The following KIRREL3 variants were observed in gnomAD, a reference collection of about 807,000 sequenced individuals.
KIRREL3 encodes the protein kin of IRRE-like protein 3.
KIRREL3 carries 36 observed loss-of-function variants against 89.7 expected under a neutral mutation model. The observed-to-expected ratio is 0.40, with a 90% CI of 0.31 to 0.53. The LOEUF is 0.53. KIRREL3 is among the 20% of genes least tolerant of loss of function. KIRREL3 has a pLI of 0.49. For missense variants in KIRREL3, 864 were observed against 1,056.6 expected (o/e 0.82, Z 2.53); for synonymous variants, 445 against 441.4 (o/e 1.01, Z -0.10).
At position 126,966,186 on chromosome 11, in the gene KIRREL3, T is replaced by G. The variant is rs75551009; in HGVS notation, c.55+34269A>C. ...CCCAGATAAGTAAGTGATACCAATATGATCTGATACTGTTACAAACGGTAA... is the reference window on the plus strand; with the variant it reads ...CCCAGATAAGTAAGTGATACCAATAGGATCTGATACTGTTACAAACGGTAA... On this transcript the variant is annotated intron_variant, in intron 1 of 16. Coordinates refer to ENST00000525144, the MANE Select transcript of KIRREL3 (RefSeq NM_032531.4). Among the ~76,000 whole-genome samples the G allele has an allele frequency of 5.6e-4, 86 of 152,286 alleles. 1 individual carries two copies. The East Asian group carries it at 0.017, about 29-fold the overall frequency.
rs951402070 is a variant in KIRREL3, at chr11:126,694,609, A to G, written c.56-131697T>C. 4.3e-4 allele frequency among the ~76,000 whole-genome samples: 66 copies of G among 152,268 alleles called. No homozygotes were observed. The highest frequency in any genetic ancestry group is 1.4e-3 in the African/African-American group (60 of 41,556). On this transcript the variant is annotated intron_variant, in intron 1 of 16. Transcript: ENST00000525144. The surrounding 1 kb of genome is among the most constrained non-coding windows in gnomAD (Gnocchi z 4.4). ...GGAATCTGCTCTTGTGGATGAATGA[A>G]TGGCGGTGACAAATCAAACTTTAAT...
rs1004583375 is a variant in KIRREL3 at position 126,471,812 on chromosome 11, G to A, written c.591+1497C>T. 1.3e-5 allele frequency among the ~76,000 whole-genome samples: 2 copies of A among 152,166 alleles called. No individual in the cohort carries two copies. Among genetic ancestry groups the A allele is most frequent in the African/African-American group, 4.8e-5 (2 of 41,426 alleles). On this transcript the variant is annotated intron_variant, in intron 5 of 16. Coordinates refer to ENST00000525144, the MANE Select transcript of KIRREL3 (RefSeq NM_032531.4). The surrounding 1 kb of genome is among the most constrained non-coding windows in gnomAD (Gnocchi z 5.4). ...CCTGGTCCTTCCCTGGGTCTGCAAG[G>A]CCCCAGATGTCAAAGCATCATAAAA...
chr11:126,927,319 CAATG>C (rs749904281), intron 1 of KIRREL3, among the ~76,000 whole-genome samples: 7 of 152,200 alleles, frequency 4.6e-5, no homozygotes, highest in Non-Finnish European at 8.8e-5. Flanking sequence ...AGTGGTTACT[CAATG>C]AATATTTGTT....
rs1389247668 is a variant in KIRREL3, at chr11:126,490,377, T to C, written c.434-16911A>G. Among the ~76,000 whole-genome samples the C allele has an allele frequency of 6.6e-6, 1 of 152,032 alleles. No homozygotes were observed. Among genetic ancestry groups the C allele is most frequent in the Non-Finnish European group, 1.5e-5 (1 of 68,010 alleles). ...CATGAAGTATTCTTCAGCCTGGCCC[T>C]GTCCGTGAGCCAGGTTATTGGAAAT... On this transcript the variant is annotated intron_variant, in intron 4 of 16. Transcript: ENST00000525144. This position sits in a 1 kb window ranked among gnomAD's most constrained non-coding sequence, Gnocchi z 4.2.
rs1172256840 is a variant in KIRREL3 at position 126,612,454 on chromosome 11, T to C, written c.56-49542A>G. ...TCACCTGGCTCTGCTACTAACTGTC[T>C]CATGAACTTGGAAGCTTTAGGGGTT... On this transcript the variant is annotated intron_variant, in intron 1 of 16. Coordinates refer to ENST00000525144, the MANE Select transcript of KIRREL3 (RefSeq NM_032531.4). The surrounding 1 kb of genome is among the most constrained non-coding windows in gnomAD (Gnocchi z 4.5). Among the ~76,000 whole-genome samples, 1 of 152,218 alleles carries C rather than the reference T, an allele frequency of 6.6e-6. No individual in the cohort carries two copies. The highest frequency in any genetic ancestry group is 1.9e-4 in the East Asian group (1 of 5,206).
rs1391550537 is a variant in KIRREL3 at position 126,811,430 on chromosome 11, C to T, written c.55+189025G>A. On this transcript the variant is annotated intron_variant, in intron 1 of 16. Coordinates refer to ENST00000525144, the MANE Select transcript of KIRREL3 (RefSeq NM_032531.4). The surrounding 1 kb of genome is among the most constrained non-coding windows in gnomAD (Gnocchi z 4.3). ...TGGTTAATTGCTGCATCCCTAGAAC[C>T]CTGAAAAGTGTCTAGCACATAGAGT... Among the ~76,000 whole-genome samples, 1 of 152,120 alleles carries T rather than the reference C, an allele frequency of 6.6e-6. No homozygotes were observed. The highest frequency in any genetic ancestry group is 1.5e-5 in the Non-Finnish European group (1 of 68,018).
At chr11:126,698,351 C>A (rs186644585) in intron 1 of KIRREL3, among the ~76,000 whole-genome samples, 34 of 152,304 alleles carry the variant, frequency 2.2e-4, no homozygotes, top group African/African-American at 7.5e-4. Context: ...CTCTCCCAGG[C>A]CTGCTAAGAC....
At chr11:126,472,971 CA>C (rs1956944604) in intron 5 of KIRREL3, among the ~76,000 whole-genome samples, 2 of 114,354 alleles carry the variant, frequency 1.7e-5, no homozygotes, top group Admixed American at 9.0e-5. Context: ...AGCAGCCCCC[CA>C]CCATCCTCCT....
chr11:126,720,474 G>A (rs773882281), intron 1 of KIRREL3, among the ~76,000 whole-genome samples: 2 of 152,206 alleles, frequency 1.3e-5, no homozygotes, highest in Non-Finnish European at 2.9e-5. Flanking sequence ...TTAAAAATCA[G>A]ACCTAGAGGA....
At chr11:126,959,162 T>C (rs1210287514) in intron 1 of KIRREL3, among the ~76,000 whole-genome samples, 2 of 152,380 alleles carry the variant, frequency 1.3e-5, no homozygotes, top group Non-Finnish European at 2.9e-5. Context: ...TGCCAGCTTG[T>C]GGACTAGAAC....
At chr11:126,465,795 C>G (rs1385101673) in intron 5 of KIRREL3, among the ~76,000 whole-genome samples, 1 of 152,158 alleles carries the variant, frequency 6.6e-6, no homozygotes, top group Non-Finnish European at 1.5e-5. Context: ...AAAGCCCGGG[C>G]AGGGAGGGAG....
rs187625916 is a variant in KIRREL3, at chr11:126,795,196, G to A, written c.55+205259C>T. On this transcript the variant is annotated intron_variant, in intron 1 of 16. Coordinates refer to ENST00000525144, the MANE Select transcript of KIRREL3 (RefSeq NM_032531.4). The surrounding 1 kb of genome is among the most constrained non-coding windows in gnomAD (Gnocchi z 4.1). ...TCACACATTTGGCCAAGCCCATAGA[G>A]TGTACAGCATACAGAATGAACTCTA... 3.3e-5 allele frequency among the ~76,000 whole-genome samples: 5 copies of A among 152,240 alleles called. No homozygotes were observed. Among genetic ancestry groups the A allele is most frequent in the African/African-American group, 4.8e-5 (2 of 41,534 alleles).
In KIRREL3 at chr11:126,704,656, T is replaced by C. The variant is rs1414973920; in HGVS notation, c.56-141744A>G. Reference sequence around the variant, plus strand: ...TTTTGGATGTCTTGGTTCTCATGAGTTGTGGCTAAGTGAGGAAGTCTGAGT... The same window carrying C: ...TTTTGGATGTCTTGGTTCTCATGAGCTGTGGCTAAGTGAGGAAGTCTGAGT... On this transcript the variant is annotated intron_variant, in intron 1 of 16. Coordinates refer to ENST00000525144, the MANE Select transcript of KIRREL3 (RefSeq NM_032531.4). The surrounding 1 kb of genome is among the most constrained non-coding windows in gnomAD (Gnocchi z 4.2). 2.0e-5 allele frequency among the ~76,000 whole-genome samples: 3 copies of C among 152,158 alleles called. No individual in the cohort carries two copies. The highest frequency in any genetic ancestry group is 4.4e-5 in the Non-Finnish European group (3 of 68,018).
intron 1 of KIRREL3, among the ~76,000 whole-genome samples, chr11:126,885,535 A>G (rs543289203): frequency 5.9e-5 from 9 of 152,256 alleles, no homozygotes; most frequent in Admixed American, 2.0e-4. Context: ...TGTGAATACA[A>G]TGATCATATC....
At chr11:126,816,367 C>T (rs1267095846) in intron 1 of KIRREL3, among the ~76,000 whole-genome samples, 2 of 152,256 alleles carry the variant, frequency 1.3e-5, no homozygotes, top group South Asian at 2.1e-4. Context: ...GTTTACGTTT[C>T]CTGAAGTTGA....
rs978028709 is a variant in KIRREL3, at chr11:126,807,646, A to T, written c.55+192809T>A. ...ATCTCCATGCCTTTAAACTTGTCAC[A>T]GTTCCTGCCTGGAGTGCTTTTCCCC... On this transcript the variant is annotated intron_variant, in intron 1 of 16. Coordinates refer to ENST00000525144, the MANE Select transcript of KIRREL3 (RefSeq NM_032531.4). This position sits in a 1 kb window ranked among gnomAD's most constrained non-coding sequence, Gnocchi z 4.3. 2.0e-5 allele frequency among the ~76,000 whole-genome samples: 3 copies of T among 152,184 alleles called. No homozygotes were observed. Among genetic ancestry groups the T allele is most frequent in the Non-Finnish European group, 2.9e-5 (2 of 68,026 alleles).
rs1256225628 is a variant in KIRREL3, at chr11:126,870,311, T to C, written c.55+130144A>G. Among the ~76,000 whole-genome samples the C allele has an allele frequency of 6.6e-6, 1 of 152,166 alleles. No individual in the cohort carries two copies. The highest frequency in any genetic ancestry group is 2.4e-5 in the African/African-American group (1 of 41,450). On this transcript the variant is annotated intron_variant, in intron 1 of 16. Transcript: ENST00000525144. This position sits in a 1 kb window ranked among gnomAD's most constrained non-coding sequence, Gnocchi z 4.4. ...ATGTACTGCAAGACAGCTGGGATTG[T>C]CATGGACATCAATATGAAAGGCAGT...
In KIRREL3 at chr11:126,977,252, C is replaced by T. The variant is rs1489382232; in HGVS notation, c.55+23203G>A. On this transcript the variant is annotated intron_variant, in intron 1 of 16. Transcript: ENST00000525144. The surrounding 1 kb of genome is among the most constrained non-coding windows in gnomAD (Gnocchi z 4.7). ...TGTACCTTTTTTTCAAAACTGAGCT[C>T]CTTGGAGAGTGTCTGCGCAGTCAGG... is the stretch of plus-strand genomic sequence containing the variant. Among the ~76,000 whole-genome samples, 1 of 152,100 alleles carries T rather than the reference C, an allele frequency of 6.6e-6. No individual in the cohort carries two copies. Among genetic ancestry groups the T allele is most frequent in the Non-Finnish European group, 1.5e-5 (1 of 68,024 alleles).
At chr11:126,712,030 G>T (rs574764384) in intron 1 of KIRREL3, among the ~76,000 whole-genome samples, 1 of 152,326 alleles carries the variant, frequency 6.6e-6, no homozygotes, top group South Asian at 2.1e-4. Flanking sequence ...GGTGGTCCGG[G>T]CCTTCTGCCG....
Sources: gnomAD v4.1 joint callset for allele counts (sites outside exome capture counted in the v4.1 genomes callset) on GRCh38, gnomAD v4.1.1 for gene constraint, Gnocchi (gnomAD v3.1) non-coding constraint, MANE v1.5 for transcripts, NCBI Gene and HGNC (gene_info 2026-07-23, HGNC 2026-07-21) for gene names.